The following MOCS1 variants were observed in gnomAD, a reference collection of about 807,000 sequenced individuals.
MOCS1 encodes molybdenum cofactor synthesis 1.
In MOCS1, 39 loss-of-function variants were observed where a neutral mutation model predicts 57.6. The ratio of observed to expected loss-of-function variants is 0.68; its 90% CI spans 0.52 to 0.88. The LOEUF is 0.88. MOCS1 is among the 40% of genes least tolerant of loss of function. The pLI is 0.00. For synonymous variants in MOCS1, 334 were observed against 335.7 expected, an observed-to-expected ratio of 1.00 and a Z score of 0.05; for missense variants, 795 against 831.1, an observed-to-expected ratio of 0.96 and a Z score of 0.53.
At position 39,905,496 on chromosome 6, in the gene MOCS1, C is replaced by A. The variant is rs995728239; in HGVS notation, c.*861G>T. The A allele has an allele frequency of 8.5e-6, 4 of 471,076 alleles. No individual in the cohort carries two copies. Among genetic ancestry groups the A allele is most frequent in the Non-Finnish European group, 1.8e-5 (4 of 227,078 alleles). The allele number at this position is 471,076 out of a possible 1,614,324, so 29.2% of individuals were successfully genotyped here. A position where few individuals can be genotyped will look rare whatever the true frequency, so the allele number is the denominator to read the frequency against. ...GAAACTGCAGCAGCTCAGTGCCCTA[C>A]CCACACAGTGTCTTCATTCTTGCAT... On this transcript the variant is annotated 3_prime_UTR_variant, in exon 11 of 11. Coordinates refer to ENST00000340692, the MANE Select transcript of MOCS1 (RefSeq NM_001358530.2).
chr6:39,920,664 C>T (rs1260112687), intron 3 of MOCS1, among the ~76,000 whole-genome samples: 2 of 152,132 alleles, frequency 1.3e-5, no homozygotes, highest in Non-Finnish European at 2.9e-5. Context: ...AACTTCAAAA[C>T]GCTATATCTA....
rs116872432 is a variant in MOCS1, at chr6:39,920,992, G to C, written c.418+4686C>G. Among the ~76,000 whole-genome samples, 1,577 of 151,434 alleles carry C rather than the reference G, an allele frequency of 0.01. 162 individuals carry two copies. In the East Asian group the frequency reaches 0.24, roughly 23 times the overall value. On this transcript the variant is annotated intron_variant, in intron 3 of 10. Coordinates refer to ENST00000340692, the MANE Select transcript of MOCS1 (RefSeq NM_001358530.2). ...TCCGGTCTCCCAAAAAAAAAAGGGG[G>C]GGGGACAGGGCAGCAAGAAAACGAT...
chr6:39,912,891 C>A lies in MOCS1; in HGVS notation c.870+1G>T. On this transcript the variant is annotated splice_donor_variant, in intron 7 of 10. Coordinates refer to ENST00000340692, the MANE Select transcript of MOCS1 (RefSeq NM_001358530.2). LOFTEE classifies it high-confidence loss of function. ...TGCCCCACACCCTCCTGCTCCCTAA[C>A]CTTGGCTGTGCTGGATTCCTCCTCT... 1 of 1,613,772 alleles carries A rather than the reference C, an allele frequency of 6.2e-7. No homozygotes were observed. The highest frequency in any genetic ancestry group is 8.5e-7 in the Non-Finnish European group (1 of 1,179,652).
intron 10 of MOCS1, among the ~76,000 whole-genome samples, chr6:39,908,191 C>G (rs1767074695): frequency 6.6e-6 from 1 of 152,206 alleles, no homozygotes; most frequent in South Asian, 2.1e-4. Context: ...TGTCTCTAGC[C>G]TGCCTTCCCC....
At chr6:39,915,735 G>C (rs1160130532) in intron 4 of MOCS1, among the ~76,000 whole-genome samples, 1 of 152,120 alleles carries the variant, frequency 6.6e-6, no homozygotes, top group Non-Finnish European at 1.5e-5. Context: ...TGTTTCTTCA[G>C]AGCTCATCGT....
rs780828416 is a variant in MOCS1, at chr6:39,906,125, T to C, written c.*232A>G. Reference sequence around the variant, plus strand: ...TCCCGCTCCCACGACCTTAGTGTCCTGGAAGGCTTAAGGGCCTGCTGGTAT... The same window carrying C: ...TCCCGCTCCCACGACCTTAGTGTCCCGGAAGGCTTAAGGGCCTGCTGGTAT... On this transcript the variant is annotated 3_prime_UTR_variant, in exon 11 of 11. Coordinates refer to ENST00000340692, the MANE Select transcript of MOCS1 (RefSeq NM_001358530.2). 6 of 683,614 alleles carry C rather than the reference T, an allele frequency of 8.8e-6. No individual in the cohort carries two copies. The highest frequency in any genetic ancestry group is 1.1e-5 in the Non-Finnish European group (4 of 376,198). The allele number at this position is 683,614 out of a possible 1,614,324, so 42.3% of individuals were successfully genotyped here.
intron 4 of MOCS1, 35 bp from the exon 5 acceptor site, chr6:39,913,870 T>C (rs762418139): frequency 6.3e-7 from 1 of 1,599,728 alleles, no homozygotes; most frequent in Non-Finnish European, 8.6e-7. Context: ...GGAACTTCTG[T>C]CCTCTCTCCT....
Position 39,906,976 on chromosome 6 carries a change from T to C in MOCS1, c.1292A>G (p.Gln431Arg). The C allele has an allele frequency of 6.2e-7, 1 of 1,614,120 alleles. No homozygotes were observed. The highest frequency in any genetic ancestry group is 1.1e-5 in the South Asian group (1 of 91,074). The stretch of plus-strand genomic sequence containing the variant: ...CCGCTGCTGGGCTAGAGGAGGGGTC[T>C]GGGGGACCCTGCATCCTTTCCATAA... ...ATLWKGCRVP[Q>R]TPPLAQQRLG... The change falls in exon 11 of 11, where the codon CAG becomes CGG. Residue 431 changes from glutamine (Q) to arginine (R), a missense_variant. Gln to Arg is a conservative substitution (Grantham distance 43, BLOSUM62 1). Transcript: ENST00000340692.
Position 39,916,076 on chromosome 6 carries a change from C to T in MOCS1, c.575G>A (p.Arg192His), listed in dbSNP as rs564888351. ...CATCCACATCCGCTCACCTTTCCTG[C>T]GGACAATGAACTCAAACTTGGCAGG... ...LVPAKFEFIV[R>H]RKGFHKVMEG... The change falls in exon 4 of 11, where the codon CGC (arginine) becomes CAC (histidine). Residue 192 changes from arginine to histidine, a missense_variant. Transcript: ENST00000340692. 201 of 1,608,470 alleles carry T rather than the reference C, an allele frequency of 1.2e-4. No individual in the cohort carries two copies. Among genetic ancestry groups the T allele is most frequent in the Non-Finnish European group, 1.6e-4 (193 of 1,177,712 alleles).
intron 3 of MOCS1, among the ~76,000 whole-genome samples, chr6:39,921,503 T>G (rs1436993642): frequency 6.6e-6 from 1 of 152,166 alleles, no homozygotes; most frequent in Non-Finnish European, 1.5e-5. Context: ...CATACATGGA[T>G]CAATGATGAG....
chr6:39,918,241 T>C (rs1320661187), intron 3 of MOCS1, among the ~76,000 whole-genome samples: 1 of 152,226 alleles, frequency 6.6e-6, no homozygotes, highest in African/African-American at 2.4e-5. Flanking sequence ...TGTAAACGTA[T>C]GTCTCTATGA....
chr6:39,926,655 G>A (rs1416951066), intron 2 of MOCS1, among the ~76,000 whole-genome samples: 1 of 120,222 alleles, frequency 8.3e-6, no homozygotes, highest in African/African-American at 3.2e-5. Flanking sequence ...AAACATACAT[G>A]CATGCATTTA....
chr6:39,912,309 A>G lies in MOCS1; in HGVS notation c.936T>C (p.Cys312=), dbSNP rs779196519. The G allele has an allele frequency of 6.2e-7, 1 of 1,613,838 alleles. No homozygotes were observed. The highest frequency in any genetic ancestry group is 1.1e-5 in the South Asian group (1 of 91,066). The change falls in exon 8 of 11, where the codon TGT becomes TGC. Residue 312 remains cysteine (C), a synonymous_variant. Transcript: ENST00000340692. The part of the protein sequence containing the change: ...SFITSMSEHF[C]GTCNRLRITA... ...TGATTCGCAGGCGGTTGCAGGTCCC[A>G]CAGAAATGCTCAGACATGGATGTGA...
intron 3 of MOCS1, among the ~76,000 whole-genome samples, chr6:39,921,101 A>G (rs1428723071): frequency 6.6e-6 from 1 of 151,800 alleles, no homozygotes; most frequent in Non-Finnish European, 1.5e-5. Flanking sequence ...ATAGGTAGTT[A>G]AAAGTTATTG....
Position 39,909,643 on chromosome 6 carries a change from C to A in MOCS1, c.1102+192G>T, listed in dbSNP as rs532862937. 3.1e-4 allele frequency among the ~76,000 whole-genome samples: 47 copies of A among 152,244 alleles called. No homozygotes were observed. In the South Asian group the frequency reaches 8.1e-3, roughly 26 times the overall value. ...TGCAGCCTCTGCTATGACTTTTCCC[C>A]ATGGAAGGAGAAGCATCACTGTACC... On this transcript the variant is annotated intron_variant, in intron 9 of 10. Coordinates refer to ENST00000340692, the MANE Select transcript of MOCS1 (RefSeq NM_001358530.2).
chr6:39,913,487 G>T, intron 5 of MOCS1, 59 bp from the exon 6 acceptor site: 1 of 1,463,302 alleles, frequency 6.8e-7, no homozygotes, highest in South Asian at 1.2e-5. Context: ...TTGTGGAGAT[G>T]ACCCTTGGGG....
intron 3 of MOCS1, 138 bp from the exon 4 acceptor site, chr6:39,916,370 T>C: frequency 9.7e-7 from 1 of 1,026,532 alleles, no homozygotes; most frequent in Non-Finnish European, 1.4e-6. Context: ...TAACCAGGCC[T>C]AACTTAAAAA....
chr6:39,919,788 A>G (rs1413205553), intron 3 of MOCS1, among the ~76,000 whole-genome samples: 5 of 152,210 alleles, frequency 3.3e-5, no homozygotes, highest in African/African-American at 4.8e-5. Flanking sequence ...AAAAATGGCT[A>G]TCCATATGGA....
chr6:39,920,820 A>G (rs1233619363), intron 3 of MOCS1, among the ~76,000 whole-genome samples: 1 of 151,952 alleles, frequency 6.6e-6, no homozygotes, highest in Non-Finnish European at 1.5e-5. Flanking sequence ...CTCTACAAAA[A>G]ATACAAAAAT....
Sources: allele counts gnomAD v4.1 joint callset (sites outside exome capture counted in the v4.1 genomes callset), GRCh38; gene constraint gnomAD v4.1.1; transcripts MANE v1.5; gene names NCBI Gene and HGNC (gene_info 2026-07-23, HGNC 2026-07-21).